Variants in ZMYM4 observed in about 807,000 individuals in gnomAD.
ZMYM4 encodes the protein zinc finger MYM-type containing 4.
Under a neutral mutation model 183.2 loss-of-function variants are expected in ZMYM4, and 31 were observed. The ratio of observed to expected loss-of-function variants is 0.17; its 90% CI spans 0.13 to 0.23. ZMYM4 has a LOEUF of 0.23. Ranked by LOEUF, ZMYM4 falls within the 10% of genes least tolerant of loss-of-function variation. The pLI, the probability that ZMYM4 is intolerant of heterozygous loss-of-function variation, is 1.00. For missense variants in ZMYM4, 1,273 were observed against 1,840.3 expected (o/e 0.69, Z 5.64); for synonymous variants, 592 against 631.2 (o/e 0.94, Z 0.93).
At chr1:35,341,692 T>G (rs1643206668) in intron 2 of ZMYM4, among the ~76,000 whole-genome samples, 1 of 152,036 alleles carries the variant, frequency 6.6e-6, no homozygotes, top group African/African-American at 2.4e-5. Flanking sequence ...CTTCTTCACA[T>G]TATATAATTT....
rs1231646476 is a variant in ZMYM4 at position 35,352,386 on chromosome 1, G to GCGCGCA, written c.86-6538_86-6537insGCGCAC. Among the ~76,000 whole-genome samples the GCGCGCA allele has an allele frequency of 8.6e-4, 110 of 128,472 alleles. 2 individuals carry two copies. The highest frequency in any genetic ancestry group is 2.3e-3 in the East Asian group (10 of 4,368). 84.3% of individuals were successfully genotyped at this position (128,472 alleles called of 152,430 possible). ...CTCTACTAATAATTTAAAAATTAGCGCACACACACACACACACACACACAC... is the reference window on the plus strand; with the variant it reads ...CTCTACTAATAATTTAAAAATTAGCGCGCGCACACACACACACACACACACACACAC... On this transcript the variant is annotated intron_variant, in intron 2 of 29. Transcript: ENST00000314607.
At chr1:35,316,481 A>G (rs1445858462) in intron 1 of ZMYM4, among the ~76,000 whole-genome samples, 2 of 152,232 alleles carry the variant, frequency 1.3e-5, no homozygotes, top group Non-Finnish European at 2.9e-5. Context: ...TGTGTTAACA[A>G]ATCACTATGT....
At chr1:35,396,443 T>C in intron 18 of ZMYM4, 109 bp from the exon 19 acceptor site, 1 of 1,459,332 alleles carries the variant, frequency 6.9e-7, no homozygotes, top group Non-Finnish European at 9.3e-7. Flanking sequence ...GTGTCATAGG[T>C]TACTCTTATT....
At chr1:35,271,350 AG>A (rs1639591960) in intron 1 of ZMYM4, among the ~76,000 whole-genome samples, 2 of 146,500 alleles carry the variant, frequency 1.4e-5, no homozygotes, top group South Asian at 4.4e-4. Flanking sequence ...CTTCTGCTAA[AG>A]GAATGCTGGA....
At chr1:35,395,432 TA>T (rs893848921) in intron 18 of ZMYM4, among the ~76,000 whole-genome samples, 110 of 148,540 alleles carry the variant, frequency 7.4e-4, no homozygotes, top group East Asian at 3.3e-3. Context: ...CCCCATCTGT[TA>T]AAAAAAAAAA....
At chr1:35,350,903 T>A (rs777979525) in intron 2 of ZMYM4, 6 of 631,106 alleles carry the variant, frequency 9.5e-6, no homozygotes, top group African/African-American at 1.8e-5. Context: ...ATATCATTTG[T>A]CAGATTGCTT....
At chr1:35,393,882 CG>C in intron 18 of ZMYM4, 143 bp downstream of exon 18, 1 of 939,498 alleles carries the variant, frequency 1.1e-6, no homozygotes, top group Non-Finnish European at 1.5e-6. Context: ...ACAGCATCCC[CG>C]TGAGTTAGGT....
intron 1 of ZMYM4, among the ~76,000 whole-genome samples, chr1:35,273,547 G>A (rs1034059483): frequency 2.0e-5 from 3 of 151,888 alleles, no homozygotes; most frequent in East Asian, 3.9e-4. Flanking sequence ...AATATTACCC[G>A]GTCTAGTAAA....
At chr1:35,322,049 C>G (rs1642304144) in intron 1 of ZMYM4, among the ~76,000 whole-genome samples, 1 of 151,710 alleles carries the variant, frequency 6.6e-6, no homozygotes, top group Non-Finnish European at 1.5e-5. Flanking sequence ...AAGTAGATCT[C>G]TGTATAATTT....
In ZMYM4 at chr1:35,268,976, G is replaced by C; in HGVS notation, c.-71G>C. The C allele has an allele frequency of 4.1e-6, 6 of 1,470,170 alleles. No individual in the cohort carries two copies. The highest frequency in any genetic ancestry group is 3.6e-6 in the Non-Finnish European group (4 of 1,108,164). The allele number at this position is 1,470,170 out of a possible 1,614,324, so 91.1% of individuals were successfully genotyped here. On this transcript the variant is annotated 5_prime_UTR_variant, in exon 1 of 30. Transcript: ENST00000314607. ...AGGCGGCCGTGCCTGCAGTGTGGGC[G>C]GGGGCCGGGGGGCCGAGAGGTACCG...
chr1:35,357,354 A>G (rs905376005), intron 2 of ZMYM4, among the ~76,000 whole-genome samples: 1 of 152,238 alleles, frequency 6.6e-6, no homozygotes, highest in East Asian at 1.9e-4. Context: ...AAATAAGAGC[A>G]AGGATGCCAG....
chr1:35,407,678 T>C (rs1463455693), intron 25 of ZMYM4, among the ~76,000 whole-genome samples: 1 of 152,210 alleles, frequency 6.6e-6, no homozygotes, highest in Non-Finnish European at 1.5e-5. Flanking sequence ...CCTATCTACC[T>C]GTTTAACTCT....
At chr1:35,270,675 G>C (rs1168490533) in intron 1 of ZMYM4, among the ~76,000 whole-genome samples, 1 of 152,106 alleles carries the variant, frequency 6.6e-6, no homozygotes, top group East Asian at 1.9e-4. Flanking sequence ...CAGGGGAATC[G>C]CTTGAACCTG....
intron 1 of ZMYM4, among the ~76,000 whole-genome samples, chr1:35,308,525 C>T (rs1470734016): frequency 6.6e-6 from 1 of 152,026 alleles, no homozygotes; most frequent in Non-Finnish European, 1.5e-5. Flanking sequence ...CTTTAGTGTT[C>T]CGCTTGAAGT....
chr1:35,283,292 G>T (rs1249651123), intron 1 of ZMYM4, among the ~76,000 whole-genome samples: 2 of 135,430 alleles, frequency 1.5e-5, no homozygotes, highest in Non-Finnish European at 3.2e-5. Context: ...TTTATTTTTG[G>T]TTAATAACTG....
At chr1:35,370,727 CTTTTTTTTTTT>C (rs3066096) in intron 7 of ZMYM4, 100 bp downstream of exon 7, 94 of 284,252 alleles carry the variant, frequency 3.3e-4, no homozygotes, top group Middle Eastern at 1.3e-3. Flanking sequence ...ACATTTATTC[CTTTTTTTTTTT>C]TTTTTTTTTT....
intron 27 of ZMYM4, 134 bp from the exon 28 acceptor site, chr1:35,415,332 T>G: frequency 7.9e-7 from 1 of 1,260,322 alleles, no homozygotes. Flanking sequence ...TTTCTGGTTT[T>G]CTGCATAAGG....
At chr1:35,283,112 T>G (rs1640273591) in intron 1 of ZMYM4, among the ~76,000 whole-genome samples, 2 of 145,914 alleles carry the variant, frequency 1.4e-5, no homozygotes. Flanking sequence ...TTCAGGTGAT[T>G]CTTCTGCCTC....
intron 2 of ZMYM4, among the ~76,000 whole-genome samples, chr1:35,326,052 A>G (rs1241910281): frequency 2.0e-5 from 3 of 152,068 alleles, no homozygotes; most frequent in Admixed American, 1.3e-4. Context: ...TTTAATGGCT[A>G]CTCAGTATTT....
Sources: gnomAD v4.1 joint callset for allele counts (sites outside exome capture counted in the v4.1 genomes callset) on GRCh38, gnomAD v4.1.1 for gene constraint, MANE v1.5 for transcripts, NCBI Gene and HGNC (gene_info 2026-07-23, HGNC 2026-07-21) for gene names.